LHFPL3: variants seen among roughly 807,000 people sequenced by gnomAD.
The protein encoded by LHFPL3 is LHFPL tetraspan subfamily member 3 protein.
Under a neutral mutation model 19.3 loss-of-function variants are expected in LHFPL3, and 5 were observed. The observed-to-expected ratio is 0.26, with a 90% CI of 0.14 to 0.54. The LOEUF is 0.54. Among genes scored for constraint, LHFPL3 ranks in the 20% least tolerant of loss-of-function variants. The pLI is 0.94. For synonymous variants in LHFPL3, 133 were observed against 126.2 expected (o/e 1.05, Z -0.36); for missense variants, 249 against 307.4 (o/e 0.81, Z 1.42).
chr7:104,638,735 T>C (rs1403589696), intron 1 of LHFPL3, among the ~76,000 whole-genome samples: 2 of 151,916 alleles, frequency 1.3e-5, no homozygotes, highest in East Asian at 1.9e-4. Flanking sequence ...ATCCCTGGGA[T>C]GAAGCCTACT....
chr7:104,478,174 C>CT (rs533836486), intron 1 of LHFPL3, among the ~76,000 whole-genome samples: 2 of 151,952 alleles, frequency 1.3e-5, no homozygotes, highest in East Asian at 1.9e-4. Flanking sequence ...TCAAAAAAGA[C>CT]TTTTTTTTAT....
chr7:104,374,212 G>A (rs957086718), intron 1 of LHFPL3, among the ~76,000 whole-genome samples: 2 of 122,070 alleles, frequency 1.6e-5, no homozygotes, highest in African/African-American at 5.8e-5. Context: ...CTATATATGT[G>A]TGTGTGTGTG....
intron 1 of LHFPL3, among the ~76,000 whole-genome samples, chr7:104,650,918 T>TA (rs1308020439): frequency 1.3e-5 from 2 of 152,048 alleles, no homozygotes; most frequent in Admixed American, 6.6e-5. Context: ...AGAGTTTGGT[T>TA]AAAAAAAATC....
At chr7:104,833,197 T>A (rs1175679831) in intron 2 of LHFPL3, among the ~76,000 whole-genome samples, 1 of 102,658 alleles carries the variant, frequency 9.7e-6, no homozygotes, top group Non-Finnish European at 1.8e-5. Context: ...TAATAGTTAC[T>A]TGTATTAACT....
At chr7:104,812,824 A>G (rs1273415044) in intron 2 of LHFPL3, among the ~76,000 whole-genome samples, 2 of 141,646 alleles carry the variant, frequency 1.4e-5, no homozygotes, top group African/African-American at 5.4e-5. Context: ...AAAAAAAAAA[A>G]AAAAAAAGGC....
rs75422401 is a variant in LHFPL3, at chr7:104,552,335, C to A, written c.446-184340C>A. ...CAGCTCAACGTGAGCAGGAATGTAG[C>A]CTTTCTAATAAGGGAGGGTTCACTT... On this transcript the variant is annotated intron_variant, in intron 1 of 2. Transcript: ENST00000424859. Among the ~76,000 whole-genome samples, 1,004 of 152,278 alleles carry A rather than the reference C, an allele frequency of 6.6e-3. 11 individuals carry two copies. The highest frequency in any genetic ancestry group is 0.023 in the African/African-American group (976 of 41,566).
intron 1 of LHFPL3, among the ~76,000 whole-genome samples, chr7:104,544,757 T>A (rs1046477253): frequency 6.6e-6 from 1 of 152,130 alleles, no homozygotes; most frequent in Non-Finnish European, 1.5e-5. Flanking sequence ...AAGTAGAAAA[T>A]GATTTGGGGG....
chr7:104,746,167 C>G (rs139108120), intron 2 of LHFPL3, among the ~76,000 whole-genome samples: 2 of 152,240 alleles, frequency 1.3e-5, no homozygotes, highest in Admixed American at 1.3e-4. Context: ...AAAAAATTAT[C>G]CAGGTATGGT....
At chr7:104,522,832 G>A (rs933347118) in intron 1 of LHFPL3, among the ~76,000 whole-genome samples, 2 of 152,092 alleles carry the variant, frequency 1.3e-5, no homozygotes, top group Admixed American at 6.6e-5. Flanking sequence ...AAAAAAGAAG[G>A]AGAGATCAGC....
At chr7:104,373,475 C>T (rs1790650892) in intron 1 of LHFPL3, among the ~76,000 whole-genome samples, 2 of 152,188 alleles carry the variant, frequency 1.3e-5, no homozygotes, top group South Asian at 4.1e-4. Flanking sequence ...ATCCCTTCAA[C>T]TCCTCTTGAC....
At chr7:104,838,132 T>C (rs1465608124) in intron 2 of LHFPL3, among the ~76,000 whole-genome samples, 1 of 152,202 alleles carries the variant, frequency 6.6e-6, no homozygotes, top group African/African-American at 2.4e-5. Context: ...CAATTAGCCA[T>C]CCTTTTGGTT....
intron 1 of LHFPL3, among the ~76,000 whole-genome samples, chr7:104,413,186 C>T (rs548396601): frequency 1.3e-5 from 2 of 152,194 alleles, no homozygotes; most frequent in South Asian, 4.1e-4. Flanking sequence ...CCCTGTCAGA[C>T]CAAACTAGCA....
rs139750856 is a variant in LHFPL3 at position 104,492,123 on chromosome 7, A to C, written c.445+162899A>C. ...AGTTAATGTATTTTAAAACTATTAA[A>C]TATTTTTATGTTCTAGCATAAATTC... On this transcript the variant is annotated intron_variant, in intron 1 of 2. Coordinates refer to ENST00000424859, the MANE Select transcript of LHFPL3 (RefSeq NM_199000.3). Among the ~76,000 whole-genome samples, 46 of 152,318 alleles carry C rather than the reference A, an allele frequency of 3.0e-4. No individual in the cohort carries two copies. In the East Asian group the frequency reaches 8.3e-3, roughly 27 times the overall value.
intron 1 of LHFPL3, among the ~76,000 whole-genome samples, chr7:104,564,054 C>T (rs1248590198): frequency 6.6e-6 from 1 of 152,174 alleles, no homozygotes; most frequent in African/African-American, 2.4e-5. Context: ...TACAATATCT[C>T]ATTTGATCCT....
At chr7:104,466,883 T>A (rs546049809) in intron 1 of LHFPL3, among the ~76,000 whole-genome samples, 5 of 152,222 alleles carry the variant, frequency 3.3e-5, no homozygotes. Context: ...CTTTTCTTTC[T>A]GAAGAATCAT....
At chr7:104,429,159 ATAAAC>A (rs1427612208) in intron 1 of LHFPL3, among the ~76,000 whole-genome samples, 20 of 152,138 alleles carry the variant, frequency 1.3e-4, no homozygotes, top group Non-Finnish European at 2.8e-4. Flanking sequence ...ATTTAAAAAA[ATAAAC>A]TAAAGGAAAA....
chr7:104,887,000 GTGGA>G (rs754251876), intron 2 of LHFPL3, among the ~76,000 whole-genome samples: 3 of 152,230 alleles, frequency 2.0e-5, no homozygotes, highest in Non-Finnish European at 4.4e-5. Context: ...ACATTTAACT[GTGGA>G]TTTGGAAAGA....
intron 1 of LHFPL3, among the ~76,000 whole-genome samples, chr7:104,652,419 A>G (rs1298488136): frequency 6.6e-6 from 1 of 152,094 alleles, no homozygotes; most frequent in Non-Finnish European, 1.5e-5. Flanking sequence ...TGTTTTATTG[A>G]TATATAATAG....
intron 2 of LHFPL3, among the ~76,000 whole-genome samples, chr7:104,800,989 A>G (rs1278962452): frequency 1.3e-5 from 2 of 152,166 alleles, no homozygotes; most frequent in Non-Finnish European, 2.9e-5. Flanking sequence ...GATTAGAAAA[A>G]ATGAGGGAGG....
Sources: gnomAD v4.1 joint callset for allele counts (sites outside exome capture counted in the v4.1 genomes callset) on GRCh38, gnomAD v4.1.1 for gene constraint, MANE v1.5 for transcripts, NCBI Gene and HGNC (gene_info 2026-07-23, HGNC 2026-07-21) for gene names.